Variants in DAB1 observed in about 807,000 individuals in gnomAD.
DAB1 encodes the protein DAB adaptor protein 1.
DAB1 carries 15 observed loss-of-function variants against 64.6 expected under a neutral mutation model. The observed-to-expected ratio is 0.23, with a 90% CI of 0.16 to 0.36. DAB1 has a LOEUF of 0.36. DAB1 is among the 10% of genes least tolerant of loss of function. DAB1 has a pLI of 1.00. For missense variants in DAB1, 596 were observed against 706.7 expected (o/e 0.84, Z 1.78); for synonymous variants, 235 against 251.9 (o/e 0.93, Z 0.64).
intron 2 of DAB1, among the ~76,000 whole-genome samples, chr1:57,184,709 C>T (rs1663345477): frequency 6.6e-6 from 1 of 152,154 alleles, no homozygotes; most frequent in Non-Finnish European, 1.5e-5. Context: ...CTCCACAAAC[C>T]CTGTGCTCCT....
chr1:57,902,424 C>T (rs767140627), intron 5 of DAB1, among the ~76,000 whole-genome samples: 2 of 149,610 alleles, frequency 1.3e-5, no homozygotes, highest in Non-Finnish European at 1.5e-5. Context: ...CACAATACTA[C>T]GATCTCACTT....
intron 11 of DAB1, among the ~76,000 whole-genome samples, chr1:57,015,873 T>C (rs976538114): frequency 2.0e-5 from 3 of 152,196 alleles, no homozygotes; most frequent in Non-Finnish European, 4.4e-5. Flanking sequence ...CAGGTTATAA[T>C]ACCTTCCTTC....
chr1:58,134,331 T>G (rs1653817684), intron 5 of DAB1, among the ~76,000 whole-genome samples: 1 of 152,180 alleles, frequency 6.6e-6, no homozygotes, highest in Non-Finnish European at 1.5e-5. Context: ...GCCAGGCAGC[T>G]ATTTGAAGTT....
intron 5 of DAB1, among the ~76,000 whole-genome samples, chr1:58,092,041 A>G (rs1484358676): frequency 1.3e-5 from 2 of 152,000 alleles, no homozygotes; most frequent in African/African-American, 4.8e-5. Context: ...GGGTAATTAA[A>G]AATTCAATGC....
At chr1:57,000,169 G>T (rs532375674) in intron 14 of DAB1, among the ~76,000 whole-genome samples, 1 of 149,826 alleles carries the variant, frequency 6.7e-6, no homozygotes, top group African/African-American at 2.5e-5. Flanking sequence ...TCAGCCTCCC[G>T]TGTAGCTGGG....
At chr1:57,117,338 T>C (rs958124680) in intron 4 of DAB1, among the ~76,000 whole-genome samples, 2 of 152,212 alleles carry the variant, frequency 1.3e-5, no homozygotes, top group Non-Finnish European at 2.9e-5. Context: ...ACACTTTCAC[T>C]TATATCACAT....
At chr1:58,545,881 C>T (rs1646694873) in intron 1 of DAB1, among the ~76,000 whole-genome samples, 1 of 152,188 alleles carries the variant, frequency 6.6e-6, no homozygotes, top group Non-Finnish European at 1.5e-5. Flanking sequence ...AATTGGACGG[C>T]AGCAGACTTG....
intron 4 of DAB1, among the ~76,000 whole-genome samples, chr1:58,192,659 A>ATG (rs373347407): frequency 1.3e-5 from 2 of 151,986 alleles, no homozygotes; most frequent in Non-Finnish European, 2.9e-5. Context: ...ATATGTATAT[A>ATG]TGTGTGTGTG....
intron 4 of DAB1, among the ~76,000 whole-genome samples, chr1:58,311,829 G>A (rs972141025): frequency 1.3e-5 from 2 of 151,140 alleles, no homozygotes; most frequent in Non-Finnish European, 2.9e-5. Flanking sequence ...CTTCCTGCAG[G>A]GCCTGAACTG....
chr1:58,463,844 T>C (rs1181791239), intron 3 of DAB1, among the ~76,000 whole-genome samples: 6 of 152,208 alleles, frequency 3.9e-5, no homozygotes, highest in African/African-American at 1.4e-4. Context: ...TCAGTAGAGT[T>C]TGAGAATCTG....
At chr1:57,509,000 A>G (rs943833122) in intron 7 of DAB1, among the ~76,000 whole-genome samples, 3 of 151,700 alleles carry the variant, frequency 2.0e-5, no homozygotes, top group African/African-American at 7.3e-5. Context: ...TATAAAATAC[A>G]TTTATATATG....
chr1:58,259,940 T>TA, intron 4 of DAB1, among the ~76,000 whole-genome samples: 1 of 152,198 alleles, frequency 6.6e-6, no homozygotes, highest in Non-Finnish European at 1.5e-5. Context: ...TATTAAACCA[T>TA]TTAACCTTCA....
At chr1:57,786,693 C>G (rs899213170) in intron 6 of DAB1, among the ~76,000 whole-genome samples, 1 of 151,948 alleles carries the variant, frequency 6.6e-6, no homozygotes, top group Non-Finnish European at 1.5e-5. Flanking sequence ...TTTAAAAGCC[C>G]GTCAGTGGTA....
chr1:58,189,476 G>A (rs1481334689), intron 4 of DAB1, among the ~76,000 whole-genome samples: 2 of 152,176 alleles, frequency 1.3e-5, no homozygotes, highest in Admixed American at 1.3e-4. Flanking sequence ...ACATTCCCTA[G>A]ACCACCCTCA....
At chr1:57,531,723 G>A (rs1239545877) in intron 7 of DAB1, among the ~76,000 whole-genome samples, 1 of 152,178 alleles carries the variant, frequency 6.6e-6, no homozygotes, top group Non-Finnish European at 1.5e-5. Context: ...ATAGCCAATG[G>A]TGTGCTGGTA....
At chr1:58,496,839 T>C (rs1413335087) in intron 3 of DAB1, among the ~76,000 whole-genome samples, 3 of 152,186 alleles carry the variant, frequency 2.0e-5, no homozygotes, top group South Asian at 2.1e-4. Context: ...AGATTCTACA[T>C]AGATTTCTCG....
intron 6 of DAB1, among the ~76,000 whole-genome samples, chr1:57,731,736 C>T (rs529074877): frequency 5.3e-5 from 8 of 151,308 alleles, no homozygotes; most frequent in Admixed American, 4.6e-4. Flanking sequence ...ACCCAGGAGG[C>T]GGAGGTTGCA....
intron 3 of DAB1, among the ~76,000 whole-genome samples, chr1:58,477,565 T>C (rs758271664): frequency 2.6e-5 from 4 of 152,204 alleles, no homozygotes; most frequent in South Asian, 2.1e-4. Context: ...TCCCCTGCCA[T>C]GGTGATTGCT....
chr1:58,232,123 G>A (rs1386338336), intron 4 of DAB1, among the ~76,000 whole-genome samples: 1 of 152,176 alleles, frequency 6.6e-6, no homozygotes, highest in African/African-American at 2.4e-5. Flanking sequence ...GAAACAGCAT[G>A]TTCAGTTGTC....
Sources: allele counts gnomAD v4.1 joint callset (sites outside exome capture counted in the v4.1 genomes callset), GRCh38; gene constraint gnomAD v4.1.1; transcripts MANE v1.5; gene names NCBI Gene and HGNC (gene_info 2026-07-23, HGNC 2026-07-21).